The following MAPK6 variants were observed in gnomAD, a reference collection of about 807,000 sequenced individuals.
MAPK6 encodes mitogen-activated protein kinase 6.
In MAPK6, 19 loss-of-function variants were observed where a neutral mutation model predicts 59.3. The observed-to-expected ratio is 0.32, with a 90% confidence interval of 0.22 to 0.47. MAPK6 has a LOEUF of 0.47. Among genes scored for constraint, MAPK6 ranks in the 20% least tolerant of loss-of-function variants. The pLI is 1.00. For synonymous variants in MAPK6, 316 were observed against 290.3 expected, an observed-to-expected ratio of 1.09 and a Z score of -0.90; for missense variants, 724 against 847.9, an observed-to-expected ratio of 0.85 and a Z score of 1.81.
At chr15:51,998,968 G>A (rs1450483480) in intron 2 of MAPK6, among the ~76,000 whole-genome samples, 3 of 148,562 alleles carry the variant, frequency 2.0e-5, no homozygotes, top group East Asian at 2.0e-4. Flanking sequence ...GGGATTACAG[G>A]CAGGAGCCAC....
intron 2 of MAPK6, among the ~76,000 whole-genome samples, chr15:52,002,531 T>C (rs1419676352): frequency 6.6e-6 from 1 of 152,190 alleles, no homozygotes; most frequent in Non-Finnish European, 1.5e-5. Context: ...GATCGACATC[T>C]GTGAATGGCA....
intron 5 of MAPK6, among the ~76,000 whole-genome samples, chr15:52,063,299 G>C (rs1004724290): frequency 1.3e-5 from 2 of 152,218 alleles, no homozygotes; most frequent in African/African-American, 4.8e-5. Flanking sequence ...CTGACCTCAA[G>C]TGATCCATCC....
At chr15:51,981,300 C>T (rs954160147) in intron 1 of MAPK6, among the ~76,000 whole-genome samples, 4 of 151,592 alleles carry the variant, frequency 2.6e-5, no homozygotes, top group South Asian at 2.1e-4. Context: ...GGTGAAACCC[C>T]GTCTCTACTA....
intron 1 of MAPK6, among the ~76,000 whole-genome samples, chr15:51,980,659 T>G (rs1204339589): frequency 6.6e-6 from 1 of 151,026 alleles, no homozygotes; most frequent in East Asian, 1.9e-4. Flanking sequence ...GGCAGAATCT[T>G]GGCTCACTGC....
intron 3 of MAPK6, among the ~76,000 whole-genome samples, chr15:52,051,133 C>T (rs181824654): frequency 1.7e-3 from 264 of 152,224 alleles, no homozygotes; most frequent in African/African-American, 5.5e-3. Flanking sequence ...TTTCTGCTCA[C>T]TGCAAGCTCC....
At chr15:51,980,636 A>T (rs1311950237) in intron 1 of MAPK6, among the ~76,000 whole-genome samples, 1 of 150,572 alleles carries the variant, frequency 6.6e-6, no homozygotes, top group East Asian at 1.9e-4. Flanking sequence ...TGTTGCCCAG[A>T]CTGGAGTGCA....
In MAPK6 at chr15:52,046,760, A is replaced by G; in HGVS notation, c.300A>G (p.Glu100=). The change falls in exon 2 of 6, where the codon GAA becomes GAG. Residue 100 remains glutamate (E), a synonymous_variant. Coordinates refer to ENST00000261845, the MANE Select transcript of MAPK6 (RefSeq NM_002748.4). Reference sequence around the variant, plus strand: ...CAGACGATGTGGGCTCTCTTACGGAACTGAACAGTGTTTACATTGTTCAGG... The same window carrying G: ...CAGACGATGTGGGCTCTCTTACGGAGCTGAACAGTGTTTACATTGTTCAGG... ...QLTDDVGSLT[E]LNSVYIVQEY... is the part of the protein sequence containing the mutation. 1 of 1,614,164 alleles carries G rather than the reference A, an allele frequency of 6.2e-7. No individual in the cohort carries two copies. Among genetic ancestry groups the G allele is most frequent in the African/African-American group, 1.3e-5 (1 of 75,056 alleles).
At chr15:51,988,228 A>C (rs2057197069) in intron 2 of MAPK6, among the ~76,000 whole-genome samples, 1 of 152,234 alleles carries the variant, frequency 6.6e-6, no homozygotes, top group Non-Finnish European at 1.5e-5. Flanking sequence ...TGAAAAGAAT[A>C]TGAAAGGTTA....
chr15:52,034,778 ACCT>A (rs961869511), intron 1 of MAPK6, among the ~76,000 whole-genome samples: 3 of 151,216 alleles, frequency 2.0e-5, no homozygotes, highest in Admixed American at 6.6e-5. Context: ...GCTCACTACA[ACCT>A]CCTCCTCCCG....
At chr15:51,977,759 A>G (rs1205770756) in intron 1 of MAPK6, among the ~76,000 whole-genome samples, 1 of 151,206 alleles carries the variant, frequency 6.6e-6, no homozygotes, top group African/African-American at 2.4e-5. Flanking sequence ...ATGACTTCGA[A>G]CTCCTGGCCT....
At chr15:51,988,261 G>C (rs2470593) in intron 2 of MAPK6, among the ~76,000 whole-genome samples, 14,285 of 151,696 alleles carry the variant, frequency 0.094, 1,889 homozygotes, top group African/African-American at 0.29. Context: ...TACCCACAGA[G>C]AAAACCTATT....
upstream of MAPK6, among the ~76,000 whole-genome samples, chr15:52,018,537 T>A (rs2141841205): frequency 6.6e-6 from 1 of 152,338 alleles, no homozygotes; most frequent in East Asian, 1.9e-4. Context: ...TGATAAGTAA[T>A]GTAAGTTTGC....
chr15:51,976,374 T>C (rs2057157502), intron 1 of MAPK6, among the ~76,000 whole-genome samples: 1 of 151,616 alleles, frequency 6.6e-6, no homozygotes, highest in South Asian at 2.1e-4. Context: ...GAAAGGTTTC[T>C]TAGGAAGATT....
intron 5 of MAPK6, among the ~76,000 whole-genome samples, chr15:52,062,585 T>C (rs920573119): frequency 5.3e-5 from 8 of 151,978 alleles, no homozygotes; most frequent in Admixed American, 2.6e-4. Flanking sequence ...GCTAACGTGG[T>C]GAAACCCGGT....
chr15:51,981,982 A>G (rs1048485993), intron 1 of MAPK6, among the ~76,000 whole-genome samples: 2 of 152,222 alleles, frequency 1.3e-5, no homozygotes, highest in Non-Finnish European at 1.5e-5. Context: ...TTTAAGGCAC[A>G]TAATAAAATA....
intron 1 of MAPK6, chr15:52,035,651 A>C (rs1248620919): frequency 6.6e-6 from 1 of 151,816 alleles, no homozygotes; most frequent in Non-Finnish European, 1.5e-5. Context: ...AAAAGAAAAA[A>C]TCCATAGGGA....
chr15:52,035,944 G>A (rs893273749), intron 1 of MAPK6, among the ~76,000 whole-genome samples: 1 of 151,668 alleles, frequency 6.6e-6, no homozygotes, highest in African/African-American at 2.4e-5. Flanking sequence ...GATTTTTGTA[G>A]CTTATCCAGC....
chr15:52,027,947 ATTTTTTTTTTTTTT>A (rs34981319), intron 1 of MAPK6: 1 of 54,684 alleles, frequency 1.8e-5, no homozygotes, highest in African/African-American at 8.1e-5. Context: ...TAATTTTTGT[ATTTTTTTTTTTTTT>A]TTTTTTTTTT....
In MAPK6 at chr15:52,046,323, A is replaced by G; in HGVS notation, c.-138A>G. ...GGCCTGTTTGGCATATGCAATGAACATCAAGAAACCATCTTGCTGTGGAAG... is the reference window on the plus strand; with the variant it reads ...GGCCTGTTTGGCATATGCAATGAACGTCAAGAAACCATCTTGCTGTGGAAG... On this transcript the variant is annotated 5_prime_UTR_variant, in exon 2 of 6. Transcript: ENST00000261845. 1.5e-6 allele frequency: 1 copy of G among 686,256 alleles called. No homozygotes were observed. The highest frequency in any genetic ancestry group is 1.9e-5 in the South Asian group (1 of 52,672). The allele number at this position is 686,256 out of a possible 1,614,324, so 42.5% of individuals were successfully genotyped here.
Sources: allele counts gnomAD v4.1 joint callset (sites outside exome capture counted in the v4.1 genomes callset), GRCh38; gene constraint gnomAD v4.1.1; transcripts MANE v1.5; gene names NCBI Gene and HGNC (gene_info 2026-07-23, HGNC 2026-07-21).